Variants in DENND5B observed in about 807,000 individuals in gnomAD.
The protein encoded by DENND5B is DENN domain containing 5B.
DENND5B carries 34 observed loss-of-function variants against 140.6 expected under a neutral mutation model. The observed-to-expected ratio is 0.24, with a 90% CI of 0.18 to 0.32. The LOEUF (loss-of-function observed/expected upper bound fraction) is 0.32. DENND5B is among the 10% of genes least tolerant of loss of function. The pLI is 1.00. For synonymous variants in DENND5B, 551 were observed against 562.1 expected (o/e 0.98, Z 0.28); for missense variants, 1,142 against 1,560.2 (o/e 0.73, Z 4.52).
At chr12:31,565,315 G>A (rs563309085) in intron 1 of DENND5B, among the ~76,000 whole-genome samples, 9 of 152,254 alleles carry the variant, frequency 5.9e-5, no homozygotes, top group African/African-American at 1.9e-4. Flanking sequence ...GATCGCTTGA[G>A]CCCAGGAGGC....
At chr12:31,582,035 C>T (rs1950226048) in intron 1 of DENND5B, among the ~76,000 whole-genome samples, 1 of 152,196 alleles carries the variant, frequency 6.6e-6, no homozygotes, top group Admixed American at 6.5e-5. Flanking sequence ...CACGTACATG[C>T]AACCACAATT....
chr12:31,492,294 G>C (rs745725588), intron 2 of DENND5B, among the ~76,000 whole-genome samples: 1 of 152,220 alleles, frequency 6.6e-6, no homozygotes, highest in Non-Finnish European at 1.5e-5. Context: ...ATGTTTTGCA[G>C]ATAGAGGCAA....
At chr12:31,558,848 T>C (rs1949382964) in intron 1 of DENND5B, among the ~76,000 whole-genome samples, 2 of 152,210 alleles carry the variant, frequency 1.3e-5, no homozygotes, top group Non-Finnish European at 1.5e-5. Context: ...TATAGCCAGA[T>C]AAATGATTTT....
chr12:31,432,573 C>A (rs551932804), intron 8 of DENND5B: 1 of 151,826 alleles, frequency 6.6e-6, no homozygotes, highest in Non-Finnish European at 1.5e-5. Flanking sequence ...AAGACCTGGG[C>A]AACATAGCAA....
chr12:31,473,067 T>C (rs1211891303), intron 3 of DENND5B, among the ~76,000 whole-genome samples: 1 of 152,162 alleles, frequency 6.6e-6, no homozygotes, highest in Non-Finnish European at 1.5e-5. Flanking sequence ...GCCCCTGTAG[T>C]AGATGAGACT....
intron 14 of DENND5B, among the ~76,000 whole-genome samples, chr12:31,407,842 T>C (rs1417140678): frequency 6.6e-6 from 1 of 152,208 alleles, no homozygotes; most frequent in Non-Finnish European, 1.5e-5. Flanking sequence ...GAAATTACTA[T>C]GCTGTAAACC....
At chr12:31,488,968 G>C (rs1328063449) in intron 2 of DENND5B, among the ~76,000 whole-genome samples, 1 of 152,168 alleles carries the variant, frequency 6.6e-6, no homozygotes, top group Non-Finnish European at 1.5e-5. Flanking sequence ...GTTTGAGTCA[G>C]CAAATGTTCT....
At position 31,392,378 on chromosome 12, in the gene DENND5B, C is replaced by T. The variant is rs778973501; in HGVS notation, c.3355G>A (p.Val1119Met). 5.7e-5 allele frequency: 92 copies of T among 1,613,660 alleles called. No homozygotes were observed. Among genetic ancestry groups the T allele is most frequent in the Non-Finnish European group, 5.8e-5 (69 of 1,179,866 alleles). The change falls in exon 19 of 21, where the codon GTG becomes ATG. Residue 1119 changes from valine to methionine, a missense_variant. Coordinates refer to ENST00000389082, the MANE Select transcript of DENND5B (RefSeq NM_144973.4). ...KPEKERGSLT[V>M]LLCGENGLVA... ...AGGCCATTTTCTCCACACAGCAACA[C>T]GGTGAGGCTTCCTCTCTGTGGGGCA...
intron 1 of DENND5B, among the ~76,000 whole-genome samples, chr12:31,582,679 A>T (rs572275775): frequency 3.2e-4 from 49 of 152,348 alleles, no homozygotes; most frequent in African/African-American, 9.6e-4. Context: ...ACTAGTGCTG[A>T]CCAAAGAAGA....
intron 12 of DENND5B, 104 bp downstream of exon 12, chr12:31,415,263 G>T: frequency 4.7e-6 from 4 of 854,260 alleles, no homozygotes; most frequent in Non-Finnish European, 7.1e-6. Context: ...GAATACATAA[G>T]CCAAAAATAA....
intron 3 of DENND5B, among the ~76,000 whole-genome samples, chr12:31,469,747 G>A (rs1945455491): frequency 6.6e-6 from 1 of 152,094 alleles, no homozygotes; most frequent in African/African-American, 2.4e-5. Flanking sequence ...CATTCTCATG[G>A]TTGTGAGTGA....
At chr12:31,577,710 C>CAA (rs35015214) in intron 1 of DENND5B, among the ~76,000 whole-genome samples, 12 of 70,490 alleles carry the variant, frequency 1.7e-4, no homozygotes, top group South Asian at 6.0e-4. Flanking sequence ...GACTCTGTCT[C>CAA]AAAAAAAAAA....
intron 1 of DENND5B, among the ~76,000 whole-genome samples, chr12:31,558,213 A>G (rs1278755040): frequency 6.6e-6 from 1 of 152,152 alleles, no homozygotes; most frequent in Non-Finnish European, 1.5e-5. Context: ...CTTTTCAGCA[A>G]TTCCTCATAG....
chr12:31,494,264 A>G, intron 2 of DENND5B, among the ~76,000 whole-genome samples: 1 of 149,180 alleles, frequency 6.7e-6, no homozygotes, highest in Admixed American at 6.7e-5. Flanking sequence ...CTATTTTGAG[A>G]CAGGGTCTTG....
At chr12:31,487,637 G>A (rs1440729375) in intron 2 of DENND5B, among the ~76,000 whole-genome samples, 1 of 152,152 alleles carries the variant, frequency 6.6e-6, no homozygotes, top group Non-Finnish European at 1.5e-5. Flanking sequence ...GGGAGGCAGA[G>A]GTTGCAGTGA....
At chr12:31,424,039 A>G (rs575480415) in intron 10 of DENND5B, among the ~76,000 whole-genome samples, 1 of 152,346 alleles carries the variant, frequency 6.6e-6, no homozygotes, top group South Asian at 2.1e-4. Flanking sequence ...GTACTTGTGT[A>G]CATCTACATG....
chr12:31,478,265 A>T (rs1397944726), intron 3 of DENND5B, among the ~76,000 whole-genome samples: 1 of 152,208 alleles, frequency 6.6e-6, no homozygotes, highest in Non-Finnish European at 1.5e-5. Context: ...TACACACAAG[A>T]TGGGGAAGTA....
At chr12:31,560,130 C>A (rs967342960) in intron 1 of DENND5B, among the ~76,000 whole-genome samples, 3 of 152,072 alleles carry the variant, frequency 2.0e-5, no homozygotes, top group Admixed American at 6.6e-5. Context: ...GCTCAGTCTT[C>A]TCTCTTAACT....
intron 3 of DENND5B, among the ~76,000 whole-genome samples, chr12:31,462,537 C>G (rs1319603957): frequency 3.3e-5 from 5 of 152,166 alleles, no homozygotes. Context: ...AGAGTGGCAT[C>G]CACTTTCTCT....
Sources: gnomAD v4.1 joint callset for allele counts (sites outside exome capture counted in the v4.1 genomes callset) on GRCh38, gnomAD v4.1.1 for gene constraint, MANE v1.5 for transcripts, NCBI Gene and HGNC (gene_info 2026-07-23, HGNC 2026-07-21) for gene names.